The following CFAP20DC variants were observed in gnomAD, a reference collection of about 807,000 sequenced individuals.
CFAP20DC encodes the protein protein CFAP20DC.
Under a neutral mutation model 101.7 loss-of-function variants are expected in CFAP20DC, and 84 were observed. The observed-to-expected ratio is 0.83, with a 90% CI of 0.69 to 0.99. CFAP20DC has a LOEUF of 0.99. Among genes scored for constraint, CFAP20DC ranks in the 50% least tolerant of loss-of-function variants. The pLI is 0.00. For missense variants in CFAP20DC, 1,007 were observed against 970.3 expected (o/e 1.04, Z -0.50); for synonymous variants, 359 against 351.2 (o/e 1.02, Z -0.25).
At position 58,861,469 on chromosome 3, in the gene CFAP20DC, T is replaced by G. The variant is rs1050231269; in HGVS notation, c.1593+2089A>C. 98 of 909,630 alleles carry G rather than the reference T, an allele frequency of 1.1e-4. No individual in the cohort carries two copies. The highest frequency in any genetic ancestry group is 1.2e-4 in the Non-Finnish European group (93 of 761,116). The allele number at this position is 909,630 out of a possible 1,614,324, so 56.3% of individuals were successfully genotyped here. A position where few individuals can be genotyped will look rare whatever the true frequency, so the allele number is the denominator to read the frequency against. On this transcript the variant is annotated intron_variant, in intron 12 of 16. Coordinates refer to ENST00000482387, the MANE Select transcript of CFAP20DC (RefSeq NM_001394063.1). This position sits in a 1 kb window ranked among gnomAD's most constrained non-coding sequence, Gnocchi z 4.0. ...AAACATTGTAAATATGTAGCCTAAT[T>G]TCCCATTGATTTATACAATTAATAA...
At chr3:58,919,905 T>C (rs1444745569) in intron 5 of CFAP20DC, among the ~76,000 whole-genome samples, 1 of 152,072 alleles carries the variant, frequency 6.6e-6, no homozygotes, top group Non-Finnish European at 1.5e-5. Flanking sequence ...TTTGTTTTTA[T>C]AGATTCCTTA....
chr3:58,806,335 T>A lies in CFAP20DC; in HGVS notation c.2237+60A>T. ...AACAATTTCAGAAAACCAAGAAAAA[T>A]GTACAATCTTCCAACTAAGTTTTTT... On this transcript the variant is annotated intron_variant, in intron 15 of 16. Coordinates refer to ENST00000482387, the MANE Select transcript of CFAP20DC (RefSeq NM_001394063.1). 1.7e-5 allele frequency: 19 copies of A among 1,149,650 alleles called. No individual in the cohort carries two copies. The South Asian group carries it at 2.4e-4, about 14-fold the overall frequency. 71.2% of individuals were successfully genotyped at this position (1,149,650 alleles called of 1,614,324 possible).
intron 15 of CFAP20DC, among the ~76,000 whole-genome samples, chr3:58,783,717 G>A (rs1051578425): frequency 8.6e-5 from 13 of 151,900 alleles, no homozygotes; most frequent in Non-Finnish European, 2.9e-5. Flanking sequence ...TAATCGTCAG[G>A]GAAATGTAAA....
At chr3:58,867,688 C>G in intron 10 of CFAP20DC, 129 bp downstream of exon 10, 1 of 1,138,814 alleles carries the variant, frequency 8.8e-7, no homozygotes, top group Non-Finnish European at 1.3e-6. Context: ...TTCCATAATC[C>G]TTGTAGAACA....
intron 4 of CFAP20DC, among the ~76,000 whole-genome samples, chr3:59,025,891 T>C (rs2093883771): frequency 6.6e-6 from 1 of 152,156 alleles, no homozygotes. Flanking sequence ...TTAAAGAATA[T>C]TGTAAAAATA....
chr3:58,895,509 C>T lies in CFAP20DC; in HGVS notation c.551-10800G>A, dbSNP rs547975117. ...AGTTCCTCATTTCCTTCTGAGACCA[C>T]CTCAGCCTGGACTTTATTGTCCATA... On this transcript the variant is annotated intron_variant, in intron 6 of 16. Transcript: ENST00000482387. 1.2e-4 allele frequency among the ~76,000 whole-genome samples: 18 copies of T among 152,328 alleles called. No individual in the cohort carries two copies. The South Asian group carries it at 3.7e-3, about 32-fold the overall frequency.
chr3:58,817,272 G>A (rs1188988828), intron 14 of CFAP20DC, among the ~76,000 whole-genome samples: 4 of 152,176 alleles, frequency 2.6e-5, no homozygotes, highest in African/African-American at 4.8e-5. Context: ...CAAGAGCAAC[G>A]GAACAAAGCT....
intron 3 of CFAP20DC, among the ~76,000 whole-genome samples, chr3:58,733,254 C>T (rs371511209): frequency 2.0e-5 from 3 of 152,116 alleles, no homozygotes; most frequent in South Asian, 4.1e-4. Flanking sequence ...ATCACTTGAA[C>T]GCAGGAGGCA....
chr3:58,757,842 A>G (rs1242776695), intron 15 of CFAP20DC, among the ~76,000 whole-genome samples: 2 of 152,164 alleles, frequency 1.3e-5, no homozygotes, highest in Non-Finnish European at 2.9e-5. Flanking sequence ...TTTTAATCAA[A>G]GCAACTAACT....
chr3:58,835,456 G>A (rs1450759656), intron 13 of CFAP20DC, among the ~76,000 whole-genome samples: 2 of 152,280 alleles, frequency 1.3e-5, no homozygotes, highest in Non-Finnish European at 2.9e-5. Context: ...ATGTGGCTGC[G>A]ATATTCCCTG....
rs539107647 is a variant in CFAP20DC at position 58,912,730 on chromosome 3, G to A, written c.550+978C>T. ...TGGTGTGCTACCTTATGAATTCCAG[G>A]GAGCTGAGTTACCTGCAGAGTATAT... On this transcript the variant is annotated intron_variant, in intron 6 of 16. Coordinates refer to ENST00000482387, the MANE Select transcript of CFAP20DC (RefSeq NM_001394063.1). The surrounding 1 kb of genome is among the most constrained non-coding windows in gnomAD (Gnocchi z 4.4). 2 of 456,240 alleles carry A rather than the reference G, an allele frequency of 4.4e-6. No homozygotes were observed. The highest frequency in any genetic ancestry group is 4.0e-5 in the African/African-American group (2 of 50,106). The allele number at this position is 456,240 out of a possible 1,614,324, so 28.3% of individuals were successfully genotyped here. A position where few individuals can be genotyped will look rare whatever the true frequency, so the allele number is the denominator to read the frequency against.
intron 4 of CFAP20DC, among the ~76,000 whole-genome samples, chr3:59,031,289 C>T (rs1341395852): frequency 6.6e-6 from 1 of 152,126 alleles, no homozygotes; most frequent in East Asian, 1.9e-4. Flanking sequence ...CAATTTTGAT[C>T]AAAAGGCCAA....
intron 6 of CFAP20DC, among the ~76,000 whole-genome samples, chr3:58,905,000 G>A (rs1259436942): frequency 6.6e-6 from 1 of 152,126 alleles, no homozygotes; most frequent in Non-Finnish European, 1.5e-5. Context: ...CCAGTGCCAG[G>A]TCATTTGCTA....
chr3:58,882,750 G>A lies in CFAP20DC; in HGVS notation c.715+1795C>T, dbSNP rs769383782. On this transcript the variant is annotated intron_variant, in intron 7 of 16. Coordinates refer to ENST00000482387, the MANE Select transcript of CFAP20DC (RefSeq NM_001394063.1). The surrounding 1 kb of genome is among the most constrained non-coding windows in gnomAD (Gnocchi z 4.2). ...TGTCTAAATATAGTATATATAGTAA[G>A]CATACAAATTCCCATTGTGTGTGCC... Among the ~76,000 whole-genome samples, 44 of 152,114 alleles carry A rather than the reference G, an allele frequency of 2.9e-4. 3 individuals are homozygous for A. Among genetic ancestry groups the A allele is most frequent in the Non-Finnish European group, 4.4e-5 (3 of 68,016 alleles).
At chr3:59,037,002 G>C (rs1352365613) in intron 4 of CFAP20DC, among the ~76,000 whole-genome samples, 3 of 152,068 alleles carry the variant, frequency 2.0e-5, no homozygotes, top group Non-Finnish European at 4.4e-5. Context: ...GTTGATTTTT[G>C]ACAAACCTGA....
In CFAP20DC at chr3:58,736,974, TATTC is replaced by T. The variant is rs1349688958; in HGVS notation, c.197+16791_197+16794del. Among the ~76,000 whole-genome samples the T allele has an allele frequency of 5.3e-5, 8 of 152,316 alleles. No individual in the cohort carries two copies. In the East Asian group the frequency reaches 1.5e-3, roughly 29 times the overall value. On this transcript the variant is annotated intron_variant, in intron 3 of 3. Coordinates refer to the CFAP20DC transcript ENST00000486145. ...AAAACCACGCAAACCAGAACCAAAA[TATTC>T]ATTAAGATGTAAGACTCCAATATTC...
Position 58,863,449 on chromosome 3 carries a change from T to C in CFAP20DC, c.1593+109A>G, listed in dbSNP as rs1373134310. ...ACTGACATGGCAATCTGTTGCATTT[T>C]TATAAATAGCAGTTGATTTTCCCTC... On this transcript the variant is annotated intron_variant, in intron 12 of 16. Coordinates refer to ENST00000482387, the MANE Select transcript of CFAP20DC (RefSeq NM_001394063.1). This position sits in a 1 kb window ranked among gnomAD's most constrained non-coding sequence, Gnocchi z 5.9. 6.7e-7 allele frequency: 1 copy of C among 1,499,356 alleles called. No homozygotes were observed. The allele number at this position is 1,499,356 out of a possible 1,614,324, so 92.9% of individuals were successfully genotyped here. A position where few individuals can be genotyped will look rare whatever the true frequency, so the allele number is the denominator to read the frequency against.
intron 14 of CFAP20DC, among the ~76,000 whole-genome samples, chr3:58,810,398 T>C (rs1465407902): frequency 2.0e-4 from 30 of 152,086 alleles, no homozygotes; most frequent in African/African-American, 5.6e-4. Flanking sequence ...GCTGGTTCAA[T>C]ATACGCAAAT....
intron 6 of CFAP20DC, among the ~76,000 whole-genome samples, chr3:58,890,802 G>A (rs545330479): frequency 6.7e-6 from 1 of 150,314 alleles, no homozygotes; most frequent in East Asian, 2.0e-4. Context: ...GCGGGGCAGA[G>A]GCGCTCCCCA....
Sources: allele counts gnomAD v4.1 joint callset (sites outside exome capture counted in the v4.1 genomes callset), GRCh38; gene constraint gnomAD v4.1.1; non-coding constraint Gnocchi (gnomAD v3.1); transcripts MANE v1.5; gene names NCBI Gene and HGNC (gene_info 2026-07-23, HGNC 2026-07-21).